HMGXB3: variants seen among roughly 807,000 people sequenced by gnomAD.
HMGXB3 encodes HMG-box containing 3, also known as HMG domain-containing protein 3.
A neutral mutation model predicts 121.5 loss-of-function variants in HMGXB3; 45 were observed. The observed-to-expected ratio is 0.37, with a 90% CI of 0.29 to 0.47. The LOEUF (loss-of-function observed/expected upper bound fraction) is 0.47, where lower values mean the gene tolerates loss of function less well. Among genes scored for constraint, HMGXB3 ranks in the 20% least tolerant of loss-of-function variants. HMGXB3 has a pLI of 0.99. For synonymous variants in HMGXB3, 590 were observed against 624.1 expected (o/e 0.95, Z 0.81); for missense variants, 1,376 against 1,602.2 (o/e 0.86, Z 2.41).
At chr5:150,032,070 A>T (rs1351179932) in intron 10 of HMGXB3, among the ~76,000 whole-genome samples, 1 of 152,058 alleles carries the variant, frequency 6.6e-6, no homozygotes, top group Non-Finnish European at 1.5e-5. Flanking sequence ...TTGAGCTTTA[A>T]TAGTCTGTAA....
chr5:150,004,391 G>C (rs1433010), intron 1 of HMGXB3, among the ~76,000 whole-genome samples: 128,274 of 152,182 alleles, frequency 0.84, 54,499 homozygotes, highest in African/African-American at 0.96. Context: ...TCAATGAAGG[G>C]ATTTGCTTAA....
chr5:150,021,901 T>A, intron 6 of HMGXB3: 2 of 508,832 alleles, frequency 3.9e-6, no homozygotes, highest in Non-Finnish European at 3.9e-6. Flanking sequence ...TGGGTGTTTT[T>A]CCGGTGTCTT....
intron 15 of HMGXB3, 55 bp from the exon 16 acceptor site, chr5:150,045,411 G>C: frequency 1.4e-6 from 2 of 1,391,642 alleles, no homozygotes; most frequent in Non-Finnish European, 2.0e-6. Flanking sequence ...AGGCTGTTGT[G>C]TTGCTGATGT....
chr5:150,010,163 G>A lies in HMGXB3; in HGVS notation c.365G>A (p.Arg122His). The change falls in exon 4 of 20, where the codon CGC (arginine) becomes CAC (histidine). Residue 122 changes from arginine to histidine, a missense_variant. Transcript: ENST00000502717. Reference protein sequence around the residue: ...TAVVPDIPGFRKILPRSDYII... With the variant: ...TAVVPDIPGFHKILPRSDYII... ...GTGGTTCCGGACATCCCAGGTTTCC[G>A]CAAGATCCTCCCACGCTCAGATTAT... The A allele has an allele frequency of 2.6e-6, 4 of 1,551,658 alleles. No individual in the cohort carries two copies. Among genetic ancestry groups the A allele is most frequent in the East Asian group, 2.4e-5 (1 of 40,914 alleles).
intron 5 of HMGXB3, among the ~76,000 whole-genome samples, chr5:150,016,798 A>G (rs1755970217): frequency 6.6e-6 from 1 of 152,074 alleles, no homozygotes; most frequent in Non-Finnish European, 1.5e-5. Context: ...TGTCTCATCA[A>G]TTTTGTTCTG....
chr5:150,032,582 T>C lies in HMGXB3; in HGVS notation c.1962T>C (p.Thr654=). 1.3e-6 allele frequency: 2 copies of C among 1,552,304 alleles called. No individual in the cohort carries two copies. The highest frequency in any genetic ancestry group is 1.7e-6 in the Non-Finnish European group (2 of 1,147,116). ...SCGVNLAKDR[T]EKTTKAIEVS... ...GTGTTAACCTTGCCAAAGACCGGAC[T>C]GAGAAAACCACCAAGGCTATCGTGA... Residue 654 remains threonine (T), a synonymous_variant, in exon 11 of 20, where the codon ACT becomes ACC. Coordinates refer to ENST00000502717, the MANE Select transcript of HMGXB3 (RefSeq NM_014983.3).
intron 1 of HMGXB3, among the ~76,000 whole-genome samples, chr5:150,003,440 C>G (rs1000661424): frequency 6.6e-6 from 1 of 151,966 alleles, no homozygotes; most frequent in Non-Finnish European, 1.5e-5. Context: ...GCATCTCAGA[C>G]ACAGATAATA....
intron 6 of HMGXB3, chr5:150,021,601 C>G (rs1388796584): frequency 4.5e-6 from 2 of 448,588 alleles, no homozygotes; most frequent in Admixed American, 5.0e-5. Context: ...CACCTCAACT[C>G]CTGGCTCAGT....
chr5:150,026,381 G>GTAGAT (rs1389821258), intron 7 of HMGXB3, among the ~76,000 whole-genome samples: 1 of 152,186 alleles, frequency 6.6e-6, no homozygotes, highest in Non-Finnish European at 1.5e-5. Flanking sequence ...CTAACTAGAG[G>GTAGAT]TAGATTAGAT....
chr5:150,012,201 G>T, intron 4 of HMGXB3, 54 bp from the exon 5 acceptor site: 1 of 1,261,856 alleles, frequency 7.9e-7, no homozygotes, highest in Non-Finnish European at 1.1e-6. Flanking sequence ...AGTGGCCTGG[G>T]TGTTCTTTAT....
At chr5:150,005,931 T>C (rs1472379185) in intron 2 of HMGXB3, among the ~76,000 whole-genome samples, 1 of 152,194 alleles carries the variant, frequency 6.6e-6, no homozygotes, top group East Asian at 1.9e-4. Flanking sequence ...AAATCATTCC[T>C]GCACAAAAAG....
chr5:150,006,447 G>A, intron 2 of HMGXB3, 26 bp from the exon 3 acceptor site: 1 of 1,539,924 alleles, frequency 6.5e-7, no homozygotes, highest in Admixed American at 2.0e-5. Context: ...TACTGGGAAA[G>A]CCTGAAGAAG....
Position 150,036,930 on chromosome 5 carries a change from G to A in HMGXB3, c.2278G>A (p.Gly760Arg), listed in dbSNP as rs949675268. 3 of 1,549,824 alleles carry A rather than the reference G, an allele frequency of 1.9e-6. No homozygotes were observed. Among genetic ancestry groups the A allele is most frequent in the African/African-American group, 2.7e-5 (2 of 72,976 alleles). Residue 760 changes from glycine (G) to arginine (R), a missense_variant, in exon 12 of 20, where the codon GGA (glycine) becomes AGA (arginine). By Grantham distance (125) the Gly-to-Arg change is moderately radical. Around this residue, in one of 2 missense-constraint regions of HMGXB3, gnomAD observed 1,116 missense variants for 1,369.0 expected, o/e 0.82. Coordinates refer to ENST00000502717, the MANE Select transcript of HMGXB3 (RefSeq NM_014983.3). ...CTGTAGCAGCCCATTATTCAAAGGG[G>A]GACAAAAGTAAGCACCCCTTAACTC... Reference protein sequence around the residue: ...LLCSSPLFKGGQNSLAGPQEC... With the variant: ...LLCSSPLFKGRQNSLAGPQEC...
intron 15 of HMGXB3, among the ~76,000 whole-genome samples, chr5:150,043,251 A>T (rs965116544): frequency 3.3e-5 from 5 of 151,852 alleles, no homozygotes; most frequent in Non-Finnish European, 7.4e-5. Flanking sequence ...TTTAGGGTTT[A>T]AAAAAAAATC....
At chr5:150,044,885 A>G (rs1438305544) in intron 15 of HMGXB3, among the ~76,000 whole-genome samples, 1 of 152,224 alleles carries the variant, frequency 6.6e-6, no homozygotes. Context: ...TATAAGAGAT[A>G]AGTAAATGCT....
Position 150,036,680 on chromosome 5 carries a change from C to T in HMGXB3, c.2028C>T (p.Pro676=), listed in dbSNP as rs1756507301. The change falls in exon 12 of 20, where the codon CCC becomes CCT. Residue 676 remains proline (P), a synonymous_variant. Coordinates refer to ENST00000502717, the MANE Select transcript of HMGXB3 (RefSeq NM_014983.3). The part of the protein sequence containing the change: ...PLPDVLNATE[P]LSTAQREIQR... Reference sequence around the variant, plus strand: ...CAGATGTACTGAATGCCACAGAGCCCCTGAGCACAGCCCAGAGGGAGATCC... The same window carrying T: ...CAGATGTACTGAATGCCACAGAGCCTCTGAGCACAGCCCAGAGGGAGATCC... The T allele has an allele frequency of 6.4e-7, 1 of 1,550,678 alleles. No homozygotes were observed. Among genetic ancestry groups the T allele is most frequent in the South Asian group, 1.2e-5 (1 of 83,992 alleles).
intron 13 of HMGXB3, 130 bp from the exon 14 acceptor site, chr5:150,040,618 T>C: frequency 1.2e-6 from 1 of 866,760 alleles, no homozygotes; most frequent in Non-Finnish European, 1.7e-6. Context: ...GCTCAAGCGA[T>C]CCTCCTGCCT....
chr5:150,052,270 A>G lies in HMGXB3; in HGVS notation c.*78A>G, dbSNP rs1037883360. On this transcript the variant is annotated 3_prime_UTR_variant, in exon 20 of 20. Coordinates refer to ENST00000502717, the MANE Select transcript of HMGXB3 (RefSeq NM_014983.3). ...TGCCTGAGGCAGAGCTATCCAGGGGACCTGCAGAAGTGGTCTCCTGTGGGG... is the reference window on the plus strand; with the variant it reads ...TGCCTGAGGCAGAGCTATCCAGGGGGCCTGCAGAAGTGGTCTCCTGTGGGG... 16 of 1,203,888 alleles carry G rather than the reference A, an allele frequency of 1.3e-5. No individual in the cohort carries two copies. The highest frequency in any genetic ancestry group is 1.5e-5 in the Non-Finnish European group (13 of 867,888). 74.6% of individuals were successfully genotyped at this position (1,203,888 alleles called of 1,614,324 possible).
At chr5:150,049,680 G>A (rs551662337) in intron 18 of HMGXB3, among the ~76,000 whole-genome samples, 3 of 152,296 alleles carry the variant, frequency 2.0e-5, no homozygotes, top group African/African-American at 7.2e-5. Context: ...GCTGTGATGG[G>A]AGTGGCATCA....
Sources: gnomAD v4.1 joint callset for allele counts (sites outside exome capture counted in the v4.1 genomes callset) on GRCh38, gnomAD v4.1.1 for gene constraint, gnomAD v4.1.1 regional missense constraint, MANE v1.5 for transcripts, NCBI Gene and HGNC (gene_info 2026-07-23, HGNC 2026-07-21) for gene names.